TRIM4: variants seen among roughly 807,000 people sequenced by gnomAD.
TRIM4 encodes the protein E3 ubiquitin-protein ligase TRIM4.
TRIM4 carries 29 observed loss-of-function variants against 33.7 expected under a neutral mutation model. The observed-to-expected ratio is 0.86, with a 90% CI of 0.64 to 1.17. TRIM4 has a LOEUF of 1.17. Among genes scored for constraint, TRIM4 ranks in the 50% most tolerant of loss-of-function variants. The pLI is 0.00. For synonymous variants in TRIM4, 224 were observed against 233.0 expected (o/e 0.96, Z 0.35); for missense variants, 554 against 593.7 (o/e 0.93, Z 0.69).
chr7:99,906,737 T>C (rs951473184), intron 3 of TRIM4, among the ~76,000 whole-genome samples: 8 of 151,868 alleles, frequency 5.3e-5, no homozygotes, highest in African/African-American at 1.9e-4. Flanking sequence ...CCCGAACACT[T>C]TGGGAGATCA....
intron 5 of TRIM4, among the ~76,000 whole-genome samples, chr7:99,893,892 A>T (rs530333197): frequency 1.9e-4 from 29 of 151,820 alleles, no homozygotes; most frequent in South Asian, 1.9e-3. Context: ...GACTTTTTTT[A>T]AAAAAAATCA....
chr7:99,908,383 T>A lies in TRIM4; in HGVS notation c.720+199A>T, dbSNP rs1247946178. On this transcript the variant is annotated intron_variant, in intron 3 of 5. Coordinates refer to ENST00000349062, the MANE Select transcript of TRIM4 (RefSeq NM_033091.3). ...GTGAATCAACTTATCTCCTATGAGC[T>A]GAGCTCAGCATACCTACATTTCACA... The A allele has an allele frequency of 5.6e-6, 3 of 539,218 alleles. No homozygotes were observed. In the African/African-American group the frequency reaches 5.6e-5, roughly 10 times the overall value. 33.4% of individuals were successfully genotyped at this position (539,218 alleles called of 1,614,324 possible).
intron 5 of TRIM4, among the ~76,000 whole-genome samples, chr7:99,894,799 T>C (rs1218354660): frequency 6.6e-6 from 1 of 152,212 alleles, no homozygotes; most frequent in Non-Finnish European, 1.5e-5. Flanking sequence ...AGTCAGCTTT[T>C]GTAATTTGTG....
At chr7:99,918,912 G>A (rs1217159253) in intron 1 of TRIM4, 97 bp downstream of exon 1, 1 of 1,371,662 alleles carries the variant, frequency 7.3e-7, no homozygotes, top group East Asian at 2.9e-5. Flanking sequence ...CTTCCAGTAG[G>A]AATGACAGCC....
chr7:99,902,350 C>T (rs1184753857), intron 5 of TRIM4, among the ~76,000 whole-genome samples: 13 of 152,048 alleles, frequency 8.5e-5, no homozygotes, highest in Admixed American at 3.3e-4. Flanking sequence ...CAGGTTCAAG[C>T]GATTCTCCTG....
Position 99,919,133 on chromosome 7 carries a change from T to C in TRIM4, c.269A>G (p.His90Arg). The change falls in exon 1 of 6, where the codon CAC becomes CGC. Residue 90 changes from histidine (H) to arginine (R), a missense_variant. Transcript: ENST00000349062. ...GPVPPGLCGRHWEPLRLFCED... is the reference protein window; with the variant it reads ...GPVPPGLCGRRWEPLRLFCED... Reference sequence around the variant, plus strand: ...GCAGAAGAGCCGCAGCGGCTCCCAGTGGCGGCCGCACAGGCCCGGGGGCAC... The same window carrying C: ...GCAGAAGAGCCGCAGCGGCTCCCAGCGGCGGCCGCACAGGCCCGGGGGCAC... 6.6e-7 allele frequency: 1 copy of C among 1,512,934 alleles called. No individual in the cohort carries two copies. The highest frequency in any genetic ancestry group is 8.9e-7 in the Non-Finnish European group (1 of 1,129,404). The allele number at this position is 1,512,934 out of a possible 1,614,324, so 93.7% of individuals were successfully genotyped here. A position where few individuals can be genotyped will look rare whatever the true frequency, so the allele number is the denominator to read the frequency against.
Position 99,909,729 on chromosome 7 carries a change from G to GTT in TRIM4, c.394-71_394-70dup, listed in dbSNP as rs58242927. On this transcript the variant is annotated intron_variant, in intron 1 of 5. Coordinates refer to ENST00000349062, the MANE Select transcript of TRIM4 (RefSeq NM_033091.3). ...CATCATCATCTTCTTTTTTCTTTTT[G>GTT]TTTTTTTTTTTTTTTTTTTTTGAGA... 6.9e-3 allele frequency: 4,952 copies of GTT among 721,110 alleles called. 3 individuals carry two copies. The highest frequency in any genetic ancestry group is 0.017 in the East Asian group (473 of 28,496). 44.7% of individuals were successfully genotyped at this position (721,110 alleles called of 1,614,324 possible). A position where few individuals can be genotyped will look rare whatever the true frequency, so the allele number is the denominator to read the frequency against.
intron 5 of TRIM4, among the ~76,000 whole-genome samples, chr7:99,899,353 C>T (rs1428587905): frequency 1.3e-5 from 2 of 152,176 alleles, no homozygotes; most frequent in Admixed American, 6.5e-5. Context: ...ATGCTTTTTA[C>T]AAATAGCAGT....
chr7:99,907,399 T>C (rs1819333146), intron 3 of TRIM4, among the ~76,000 whole-genome samples: 1 of 152,236 alleles, frequency 6.6e-6, no homozygotes, highest in Admixed American at 6.5e-5. Context: ...CGTGAGCCAC[T>C]GCACCCGGCC....
rs192823235 is a variant in TRIM4, at chr7:99,895,447, G to C, written c.842-2701C>G. ...TGAATGATCGGAATCCTTTGAATTT[G>C]ACACTTGCTTTACAGCCAGCTTAGT... On this transcript the variant is annotated intron_variant, in intron 5 of 5. Coordinates refer to ENST00000349062, the MANE Select transcript of TRIM4 (RefSeq NM_033091.3). Among the ~76,000 whole-genome samples, 414 of 152,258 alleles carry C rather than the reference G, an allele frequency of 2.7e-3. 3 individuals are homozygous for C. The highest frequency in any genetic ancestry group is 9.2e-3 in the African/African-American group (381 of 41,550).
At position 99,903,334 on chromosome 7, in the gene TRIM4, CT is replaced by C. The variant is rs1204707978; in HGVS notation, c.744-20del. ...CTCACTCCTAAGAAGGTAGAGAAGACTGCTCTTAGGGGACAACTAGGGTAGC... is the reference window on the plus strand; with the variant it reads ...CTCACTCCTAAGAAGGTAGAGAAGACGCTCTTAGGGGACAACTAGGGTAGC... On this transcript the variant is annotated intron_variant, in intron 4 of 5. Coordinates refer to ENST00000349062, the MANE Select transcript of TRIM4 (RefSeq NM_033091.3). 1 of 1,584,884 alleles carries C rather than the reference CT, an allele frequency of 6.3e-7. No homozygotes were observed. The highest frequency in any genetic ancestry group is 8.6e-7 in the Non-Finnish European group (1 of 1,157,818).
chr7:99,906,686 T>TA (rs1003798733), intron 3 of TRIM4, among the ~76,000 whole-genome samples: 5 of 150,208 alleles, frequency 3.3e-5, no homozygotes, highest in African/African-American at 4.9e-5. Flanking sequence ...AGGACCAATT[T>TA]AAAAAAAAAC....
At position 99,903,140 on chromosome 7, in the gene TRIM4, T is replaced by C. The variant is rs553117729; in HGVS notation, c.841+78A>G. On this transcript the variant is annotated intron_variant, in intron 5 of 5. Transcript: ENST00000349062. The stretch of plus-strand genomic sequence containing the variant: ...CTATTAGCTGCATGCTGTTTCCTCT[T>C]TCCTCTCCAGACTTCTCTCTTTATT... 6.2e-6 allele frequency: 7 copies of C among 1,121,070 alleles called. No individual in the cohort carries two copies. The Admixed American group carries it at 1.4e-4, about 23-fold the overall frequency. The allele number at this position is 1,121,070 out of a possible 1,614,324, so 69.4% of individuals were successfully genotyped here.
intron 5 of TRIM4, among the ~76,000 whole-genome samples, chr7:99,897,968 G>T (rs1336128515): frequency 6.6e-6 from 1 of 152,346 alleles, no homozygotes; most frequent in African/African-American, 2.4e-5. Context: ...TTCACCAACT[G>T]GGTGCACATG....
chr7:99,905,631 A>T (rs907043869), intron 3 of TRIM4, among the ~76,000 whole-genome samples: 2 of 152,194 alleles, frequency 1.3e-5, no homozygotes, highest in Non-Finnish European at 2.9e-5. Context: ...CCTACACACA[A>T]GAGATGCTGG....
intron 1 of TRIM4, among the ~76,000 whole-genome samples, chr7:99,917,024 A>T (rs114204935): frequency 1.5e-3 from 228 of 152,312 alleles, no homozygotes; most frequent in African/African-American, 5.1e-3. Context: ...CATTTGGAAT[A>T]TGCTGTTCCT....
At chr7:99,903,655 T>C in intron 3 of TRIM4, 57 bp from the exon 4 acceptor site, 1 of 1,595,822 alleles carries the variant, frequency 6.3e-7, no homozygotes, top group African/African-American at 1.3e-5. Context: ...AGACCTGGAA[T>C]ACAACTGTGT....
intron 5 of TRIM4, among the ~76,000 whole-genome samples, chr7:99,900,021 A>G (rs1047114142): frequency 6.6e-6 from 1 of 152,228 alleles, no homozygotes; most frequent in African/African-American, 2.4e-5. Context: ...CCTGGCCTCA[A>G]GCAATCCTCC....
Position 99,892,608 on chromosome 7 carries a change from T to G in TRIM4, c.980A>C (p.Asn327Thr), listed in dbSNP as rs765765867. 6.2e-7 allele frequency: 1 copy of G among 1,614,174 alleles called. No homozygotes were observed. The highest frequency in any genetic ancestry group is 8.5e-7 in the Non-Finnish European group (1 of 1,180,032). ...CTCTACAAAAGCAGTCTTCTGAGGA[T>G]TCCTCCATCCAGCAAAGTAGTTCCA... ...SAWNYFAGWRNPQKTAFVERF... is the reference protein window; with the variant it reads ...SAWNYFAGWRTPQKTAFVERF... Residue 327 changes from asparagine (N) to threonine (T), a missense_variant, in exon 6 of 6, where the codon AAT (asparagine) becomes ACT (threonine). Around this residue, in one of 3 missense-constraint regions of TRIM4, gnomAD observed 290 missense variants for 335.8 expected, o/e 0.86. Coordinates refer to ENST00000349062, the MANE Select transcript of TRIM4 (RefSeq NM_033091.3).
Sources: allele counts gnomAD v4.1 joint callset (sites outside exome capture counted in the v4.1 genomes callset), GRCh38; gene constraint gnomAD v4.1.1; regional missense constraint gnomAD v4.1.1; transcripts MANE v1.5; gene names NCBI Gene and HGNC (gene_info 2026-07-23, HGNC 2026-07-21).